Variants in SLC29A2 observed in about 807,000 individuals in gnomAD.
The protein encoded by SLC29A2 is solute carrier family 29 member 2.
Under a neutral mutation model 48.8 loss-of-function variants are expected in SLC29A2, and 37 were observed. The ratio of observed to expected loss-of-function variants is 0.76; its 90% CI spans 0.58 to 1.00. The LOEUF is 1.00. Among genes scored for constraint, SLC29A2 ranks in the 50% least tolerant of loss-of-function variants. The pLI, the probability that SLC29A2 is intolerant of heterozygous loss-of-function variation, is 0.00. For missense variants in SLC29A2, 533 were observed against 578.6 expected, an observed-to-expected ratio of 0.92 and a Z score of 0.81; for synonymous variants, 233 against 261.7, an observed-to-expected ratio of 0.89 and a Z score of 1.06.
chr11:66,371,708 T>C lies in SLC29A2; in HGVS notation c.-117A>G. ...GGGGGCGGGTCTCCCCAGATTCCGG[T>C]GCAGGGCGGCTGGAGTCGCACAGGT... On this transcript the variant is annotated 5_prime_UTR_variant, in exon 1 of 12. Transcript: ENST00000357440. 9.4e-7 allele frequency: 1 copy of C among 1,063,970 alleles called. No individual in the cohort carries two copies. The highest frequency in any genetic ancestry group is 1.6e-5 in the African/African-American group (1 of 62,702). 65.9% of individuals were successfully genotyped at this position (1,063,970 alleles called of 1,614,324 possible). A position where few individuals can be genotyped will look rare whatever the true frequency, so the allele number is the denominator to read the frequency against.
intron 5 of SLC29A2, 89 bp from the exon 6 acceptor site, chr11:66,367,958 T>A: frequency 1.0e-6 from 1 of 995,996 alleles, no homozygotes; most frequent in Non-Finnish European, 1.6e-6. Context: ...TCCCATTGTG[T>A]ACTTCTCAGA....
rs1170675957 is a variant in SLC29A2, at chr11:66,363,245, C to T, written c.*191G>A. On this transcript the variant is annotated 3_prime_UTR_variant, in exon 12 of 12. Coordinates refer to ENST00000357440, the MANE Select transcript of SLC29A2 (RefSeq NM_001532.3). ...CATTCCTGGGTGAGGGTTAGAATGA[C>T]CGGTGGTGATTTCTTCCCCACAGCA... 1.1e-5 allele frequency: 7 copies of T among 649,370 alleles called. No homozygotes were observed. The highest frequency in any genetic ancestry group is 2.0e-5 in the Non-Finnish European group (7 of 353,114). The allele number at this position is 649,370 out of a possible 1,614,324, so 40.2% of individuals were successfully genotyped here.
chr11:66,366,063 CCCTCTCCCGT>C, intron 9 of SLC29A2, 42 bp from the exon 10 acceptor site: 7 of 1,609,236 alleles, frequency 4.3e-6, no homozygotes, highest in South Asian at 1.1e-5. Flanking sequence ...TCTCCAACTC[CCCTCTCCCGT>C]CCTCTCCCCT....
At chr11:66,370,281 A>C (rs749418441) in intron 2 of SLC29A2, among the ~76,000 whole-genome samples, 1 of 152,078 alleles carries the variant, frequency 6.6e-6, no homozygotes, top group Non-Finnish European at 1.5e-5. Context: ...GACCCACTGC[A>C]CTCTGCTGCA....
At chr11:66,368,964 G>T in intron 4 of SLC29A2, 96 bp downstream of exon 4, 6 of 1,443,806 alleles carry the variant, frequency 4.2e-6, no homozygotes, top group Non-Finnish European at 5.7e-6. Flanking sequence ...CGACCATGAT[G>T]CTGTCTGCCC....
chr11:66,364,280 G>A lies in SLC29A2; in HGVS notation c.1204C>T (p.Leu402Phe), dbSNP rs748690554. Residue 402 changes from leucine to phenylalanine, a missense_variant, in exon 11 of 12, where the codon CTC (leucine) becomes TTC (phenylalanine). Physicochemically the swap from Leu to Phe is conservative, Grantham distance 22. Transcript: ENST00000357440. The stretch of plus-strand genomic sequence containing the variant: ...AGGTAGCCATTAGAAACGGCAAAGA[G>A]CAGCATGAAGGTGATGAAGTAGGCA... Reference protein sequence around the residue: ...QDAYFITFMLLFAVSNGYLVS... With the variant: ...QDAYFITFMLFFAVSNGYLVS... 1.9e-6 allele frequency: 3 copies of A among 1,613,828 alleles called. No individual in the cohort carries two copies. Among genetic ancestry groups the A allele is most frequent in the East Asian group, 2.2e-5 (1 of 44,866 alleles).
chr11:66,371,351 C>A, intron 1 of SLC29A2, 26 bp from the exon 2 acceptor site: 1 of 1,609,096 alleles, frequency 6.2e-7, no homozygotes, highest in Non-Finnish European at 8.5e-7. Context: ...GGAAGGTCAC[C>A]CCGAGGACGC....
chr11:66,368,728 T>G (rs1855853775), intron 4 of SLC29A2, 57 bp from the exon 5 acceptor site: 2 of 1,562,294 alleles, frequency 1.3e-6, no homozygotes, highest in East Asian at 4.8e-5. Flanking sequence ...AGAGGCTCCC[T>G]GGAGGAGGTG....
At chr11:66,365,458 C>T (rs1188919609) in intron 10 of SLC29A2, among the ~76,000 whole-genome samples, 1 of 152,254 alleles carries the variant, frequency 6.6e-6, no homozygotes, top group Non-Finnish European at 1.5e-5. Flanking sequence ...AGAGCACCCA[C>T]TGGTGGTTCC....
chr11:66,364,819 A>G (rs989047761), intron 10 of SLC29A2: 10 of 109,038 alleles, frequency 9.2e-5, no homozygotes, highest in African/African-American at 3.3e-4. Flanking sequence ...TATTTTTTTC[A>G]TTAAAAATTT....
Position 66,369,106 on chromosome 11 carries a change from G to T in SLC29A2, c.369C>A (p.Pro123=). ...CCATGGTGATGGAGAAGAAGGGTCC[G>T]GGGCTCATGTCCACCTTGACCAGCG... ...TAALVKVDMS[P]GPFFSITMAS... Residue 123 remains proline (P), a synonymous_variant, in exon 4 of 12, where the codon CCC becomes CCA. Transcript: ENST00000357440. The T allele has an allele frequency of 6.3e-7, 1 of 1,595,736 alleles. No homozygotes were observed. The highest frequency in any genetic ancestry group is 8.5e-7 in the Non-Finnish European group (1 of 1,171,360).
intron 7 of SLC29A2, 53 bp downstream of exon 7, chr11:66,367,411 G>T: frequency 6.8e-7 from 1 of 1,479,524 alleles, no homozygotes; most frequent in Non-Finnish European, 9.5e-7. Flanking sequence ...CAGGGGAGGT[G>T]GCTCTAGCTT....
chr11:66,371,821 C>T (rs1856064579), upstream of SLC29A2: 2 of 562,824 alleles, frequency 3.6e-6, no homozygotes, highest in Non-Finnish European at 6.3e-6. Flanking sequence ...TCGCGCCACC[C>T]GTCTCTCCTT....
intron 2 of SLC29A2, among the ~76,000 whole-genome samples, chr11:66,370,886 T>A (rs1250645545): frequency 6.7e-6 from 1 of 149,186 alleles, no homozygotes; most frequent in Non-Finnish European, 1.5e-5. Context: ...AAAAGTTTGT[T>A]GAATGAATGA....
At position 66,368,529 on chromosome 11, in the gene SLC29A2, G is replaced by C; in HGVS notation, c.550+8C>G. 1 of 1,613,472 alleles carries C rather than the reference G, an allele frequency of 6.2e-7. No homozygotes were observed. The highest frequency in any genetic ancestry group is 8.5e-7 in the Non-Finnish European group (1 of 1,179,954). ...ACCCCAGCCCTCCAGCCACCCAAGT[G>C]CACTCACTGGCCATGGACAGGAGCA... is the stretch of plus-strand genomic sequence containing the variant. On this transcript the variant is annotated splice_region_variant and intron_variant, in intron 5 of 11. Coordinates refer to ENST00000357440, the MANE Select transcript of SLC29A2 (RefSeq NM_001532.3).
At chr11:66,366,920 G>T (rs574730407) in intron 7 of SLC29A2, among the ~76,000 whole-genome samples, 49 of 152,152 alleles carry the variant, frequency 3.2e-4, no homozygotes, top group Non-Finnish European at 6.2e-4. Context: ...TGCAGCCTAG[G>T]TGACAGAGTG....
At chr11:66,365,078 T>C (rs1270868208) in intron 10 of SLC29A2, among the ~76,000 whole-genome samples, 1 of 151,712 alleles carries the variant, frequency 6.6e-6, no homozygotes, top group Non-Finnish European at 1.5e-5. Flanking sequence ...TGCTAATTGT[T>C]ATCTTTTTAG....
intron 11 of SLC29A2, 46 bp from the exon 12 acceptor site, chr11:66,363,593 A>C: frequency 7.0e-7 from 1 of 1,430,504 alleles, no homozygotes; most frequent in Non-Finnish European, 9.7e-7. Context: ...CTGGGTCTAA[A>C]TCTGGACCCA....
In SLC29A2 at chr11:66,371,682, G is replaced by A; in HGVS notation, c.-91C>T. 7.6e-7 allele frequency: 1 copy of A among 1,313,572 alleles called. No individual in the cohort carries two copies. Among genetic ancestry groups the A allele is most frequent in the Non-Finnish European group, 1.0e-6 (1 of 958,340 alleles). The allele number at this position is 1,313,572 out of a possible 1,614,324, so 81.4% of individuals were successfully genotyped here. ...GCGGAGGGCCGCAGACCGGTGGGGC[G>A]GGGGGCGGGTCTCCCCAGATTCCGG... is the stretch of plus-strand genomic sequence containing the variant. On this transcript the variant is annotated 5_prime_UTR_variant, in exon 1 of 12. Transcript: ENST00000357440.
Sources: allele counts gnomAD v4.1 joint callset (sites outside exome capture counted in the v4.1 genomes callset), GRCh38; gene constraint gnomAD v4.1.1; transcripts MANE v1.5; gene names NCBI Gene and HGNC (gene_info 2026-07-23, HGNC 2026-07-21).